The following CEP250 variants were observed in gnomAD, a reference collection of about 807,000 sequenced individuals.
CEP250 encodes centrosome-associated protein CEP250.
Under a neutral mutation model 315.7 loss-of-function variants are expected in CEP250, and 242 were observed. The observed-to-expected ratio is 0.77, with a 90% CI of 0.69 to 0.85. CEP250 has a LOEUF of 0.85. Ranked by LOEUF, CEP250 falls within the 40% of genes least tolerant of loss-of-function variation. The pLI is 0.00. For missense variants in CEP250, 2,515 were observed against 2,886.4 expected (o/e 0.87, Z 2.95); for synonymous variants, 1,088 against 1,175.0 (o/e 0.93, Z 1.51).
chr20:35,480,228 T>C, intron 20 of CEP250, 83 bp downstream of exon 20: 2 of 1,382,066 alleles, frequency 1.4e-6, no homozygotes, highest in Non-Finnish European at 1.9e-6. Context: ...TTGCTGCTCG[T>C]ATGAGTGAAA....
chr20:35,467,130 A>G, intron 8 of CEP250, 58 bp downstream of exon 8: 1 of 950,390 alleles, frequency 1.1e-6, no homozygotes, highest in Non-Finnish European at 1.5e-6. Context: ...GACTAATAAC[A>G]GTGGGCTGCT....
intron 31 of CEP250, 69 bp from the exon 32 acceptor site, chr20:35,507,966 T>C: frequency 3.1e-6 from 5 of 1,606,756 alleles, no homozygotes; most frequent in South Asian, 1.1e-5. Context: ...GATTGGTCTG[T>C]GTGTCCTCTG....
intron 20 of CEP250, among the ~76,000 whole-genome samples, chr20:35,483,363 A>AT (rs2063411927): frequency 6.7e-6 from 1 of 148,764 alleles, no homozygotes; most frequent in African/African-American, 2.5e-5. Context: ...ATTTTATTTT[A>AT]TTTTTTAGAG....
At chr20:35,496,842 G>A (rs2063850729) in intron 25 of CEP250, 127 bp downstream of exon 25, 2 of 1,056,336 alleles carry the variant, frequency 1.9e-6, no homozygotes, top group Admixed American at 3.0e-5. Flanking sequence ...AGGATAGGCT[G>A]GTGCCTCAAC....
Position 35,472,738 on chromosome 20 carries a change from C to T in CEP250, c.1116C>T (p.Asp372=). The change falls in exon 12 of 35, where the codon GAC becomes GAT. Residue 372 remains aspartate (D), a synonymous_variant. Coordinates refer to ENST00000397527, the MANE Select transcript of CEP250 (RefSeq NM_007186.6). ...GTCATGAGAACTCTTTGGAATTGGA[C>T]TCTAGTATCTTCTCCCAGTTTGATT... ...GSGHENSLEL[D]SSIFSQFDYQ... 6.2e-7 allele frequency: 1 copy of T among 1,614,036 alleles called. No individual in the cohort carries two copies.
chr20:35,473,790 CTCTT>C, intron 13 of CEP250, 76 bp from the exon 14 acceptor site: 1 of 1,296,784 alleles, frequency 7.7e-7, no homozygotes, highest in Non-Finnish European at 1.1e-6. Context: ...GAAACAGGGT[CTCTT>C]GGCCCTGTGA....
In CEP250 at chr20:35,497,733, G is replaced by T; in HGVS notation, c.3321G>T (p.Arg1107Ser). ...TTCCTTGACAGATGGAATTACTAAG[G>T]CAAGAGGTGAAGGAAAAGGAGGCTG... ...KELSAQMELL[R>S]QEVKEKEADF... The change falls in exon 26 of 35, where the codon AGG (arginine) becomes AGT (serine). Residue 1107 changes from arginine to serine, a missense_variant. Coordinates refer to ENST00000397527, the MANE Select transcript of CEP250 (RefSeq NM_007186.6). The T allele has an allele frequency of 6.4e-7, 1 of 1,553,442 alleles. No homozygotes were observed. Among genetic ancestry groups the T allele is most frequent in the South Asian group, 1.2e-5 (1 of 84,204 alleles).
rs558993685 is a variant in CEP250, at chr20:35,496,460, CATT to C, written c.3168-114_3168-112del. The stretch of plus-strand genomic sequence containing the variant: ...ATAGCTTTTATTGTTACATCATAAT[CATT>C]ATCATTACTATTTCTATTTTGATTA... On this transcript the variant is annotated intron_variant, in intron 24 of 34. Transcript: ENST00000397527. 3.0e-4 allele frequency: 273 copies of C among 907,128 alleles called. 2 individuals carry two copies. The African/African-American group carries it at 4.1e-3, about 14-fold the overall frequency. 56.2% of individuals were successfully genotyped at this position (907,128 alleles called of 1,614,324 possible).
At chr20:35,505,122 A>G (rs2064148962) in intron 30 of CEP250, 117 bp downstream of exon 30, 4 of 811,942 alleles carry the variant, frequency 4.9e-6, no homozygotes, top group Non-Finnish European at 5.7e-6. Context: ...AGCTGAGATC[A>G]TGAGCACCTC....
Position 35,479,339 on chromosome 20 carries a change from G to C in CEP250, c.2203G>C (p.Val735Leu), listed in dbSNP as rs772323517. ...GGCAGTCCAGGAGAAGGAGGCCCTA[G>C]TACGAGAGAAAGCGGCTCTAGAGGT... ...ARAVQEKEAL[V>L]REKAALEVRL... is the part of the protein sequence containing the mutation. The change falls in exon 18 of 35, where the codon GTA (valine) becomes CTA (leucine). Residue 735 changes from valine (V) to leucine (L), a missense_variant. Transcript: ENST00000397527. The C allele has an allele frequency of 1.9e-6, 3 of 1,614,240 alleles. No homozygotes were observed. The South Asian group carries it at 3.3e-5, about 18-fold the overall frequency.
At chr20:35,477,748 C>G in intron 16 of CEP250, 123 bp from the exon 17 acceptor site, 1 of 780,498 alleles carries the variant, frequency 1.3e-6, no homozygotes, top group Non-Finnish European at 2.1e-6. Flanking sequence ...ATCTTATAAA[C>G]ACTCCTTTGT....
At chr20:35,465,338 T>C (rs915709222) in intron 5 of CEP250, among the ~76,000 whole-genome samples, 20 of 150,946 alleles carry the variant, frequency 1.3e-4, no homozygotes, top group East Asian at 1.2e-3. Context: ...GAGAATCACT[T>C]GAACCTGGGA....
chr20:35,511,293 G>A, intron 34 of CEP250, 70 bp from the exon 35 acceptor site: 5 of 1,332,894 alleles, frequency 3.8e-6, no homozygotes, highest in Non-Finnish European at 5.2e-6. Flanking sequence ...AGAACACAGA[G>A]CAGGAAGAGC....
chr20:35,461,165 A>C (rs2062746511), intron 3 of CEP250, among the ~76,000 whole-genome samples: 2 of 152,192 alleles, frequency 1.3e-5, no homozygotes, highest in African/African-American at 4.8e-5. Context: ...TGTATATACC[A>C]TTTTGTTGAT....
At chr20:35,481,116 G>C (rs2063333442) in intron 20 of CEP250, 1 of 151,992 alleles carries the variant, frequency 6.6e-6, no homozygotes, top group Non-Finnish European at 1.5e-5. Context: ...CGATACAAGG[G>C]TCTTAGAACA....
In CEP250 at chr20:35,469,919, A is replaced by G. The variant is rs1200271979; in HGVS notation, c.881A>G (p.Gln294Arg). The change falls in exon 10 of 35, where the codon CAG (glutamine) becomes CGG (arginine). Residue 294 changes from glutamine (Q) to arginine (R), a missense_variant. By Grantham distance (43) the Gln-to-Arg change is conservative (BLOSUM62 1). Coordinates refer to ENST00000397527, the MANE Select transcript of CEP250 (RefSeq NM_007186.6). ...ACCGAGCTCTCTGCTCTGTTGACCCAGTCTCAGAAGCAAAATGAAGATTAT... is the reference window on the plus strand; with the variant it reads ...ACCGAGCTCTCTGCTCTGTTGACCCGGTCTCAGAAGCAAAATGAAGATTAT... ...RVTELSALLT[Q>R]SQKQNEDYEK... 1 of 1,613,818 alleles carries G rather than the reference A, an allele frequency of 6.2e-7. No individual in the cohort carries two copies. The highest frequency in any genetic ancestry group is 1.7e-5 in the Admixed American group (1 of 60,008).
At position 35,496,676 on chromosome 20, in the gene CEP250, G is replaced by GC; in HGVS notation, c.3268dup (p.Gln1090ProfsTer27). 2.5e-6 allele frequency: 4 copies of GC among 1,614,096 alleles called. No individual in the cohort carries two copies. Among genetic ancestry groups the GC allele is most frequent in the Non-Finnish European group, 3.4e-6 (4 of 1,179,996 alleles). On this transcript the variant is annotated frameshift_variant, in exon 25 of 35. Transcript: ENST00000397527. LOFTEE classifies it high-confidence loss of function. ...AGCTGAGTGCCCTGCGCCAGGACAT[G>GC]CAGGAGGCCCAGGGAGAACAGAAAG...
chr20:35,457,143 A>C (rs568118815), intron 1 of CEP250, among the ~76,000 whole-genome samples: 1 of 152,288 alleles, frequency 6.6e-6, no homozygotes, highest in Admixed American at 6.5e-5. Context: ...CATTGGTGAT[A>C]ATATGGATCA....
intron 30 of CEP250, among the ~76,000 whole-genome samples, chr20:35,505,264 TG>T (rs1266359405): frequency 6.6e-6 from 1 of 152,190 alleles, no homozygotes; most frequent in East Asian, 1.9e-4. Context: ...TGGTGCCTAA[TG>T]GGGGAAGTTT....
Sources: allele counts gnomAD v4.1 joint callset (sites outside exome capture counted in the v4.1 genomes callset), GRCh38; gene constraint gnomAD v4.1.1; transcripts MANE v1.5; gene names NCBI Gene and HGNC (gene_info 2026-07-23, HGNC 2026-07-21).